The following CASKIN1 variants were observed in gnomAD, a reference collection of about 807,000 sequenced individuals.
CASKIN1 encodes caskin-1.
In CASKIN1, 42 loss-of-function variants were observed where a neutral mutation model predicts 117.5. That is an observed-to-expected ratio of 0.36 (90% CI 0.28 to 0.46). The LOEUF is 0.46. Among genes scored for constraint, CASKIN1 ranks in the 20% least tolerant of loss-of-function variants. CASKIN1 has a pLI of 1.00. For missense variants in CASKIN1, 2,083 were observed against 2,077.3 expected, an observed-to-expected ratio of 1.00 and a Z score of -0.05; for synonymous variants, 1,148 against 961.7, an observed-to-expected ratio of 1.19 and a Z score of -3.59.
Position 2,180,655 on chromosome 16 carries a change from C to T in CASKIN1, c.2713G>A (p.Gly905Ser), listed in dbSNP as rs749311696. 9 of 1,529,668 alleles carry T rather than the reference C, an allele frequency of 5.9e-6. No individual in the cohort carries two copies. The highest frequency in any genetic ancestry group is 1.4e-5 in the African/African-American group (1 of 72,354). 94.8% of individuals were successfully genotyped at this position (1,529,668 alleles called of 1,614,324 possible). ...RDELLVPAAA[G>S]PYATVQRRVG... ...CGCCGCTGGACCGTGGCATAGGGGCCGGCAGCCGCAGGCACCAGCAGCTCG... is the reference window on the plus strand; with the variant it reads ...CGCCGCTGGACCGTGGCATAGGGGCTGGCAGCCGCAGGCACCAGCAGCTCG... The change falls in exon 18 of 20, where the codon GGC becomes AGC. Residue 905 changes from glycine (G) to serine (S), a missense_variant. Gly to Ser is a moderately conservative substitution (Grantham distance 56). This residue lies in a region of CASKIN1 where 1,818 missense variants were observed against 1,688.9 expected (regional missense o/e 1.08). Transcript: ENST00000343516.
intron 19 of CASKIN1, 120 bp from the exon 20 acceptor site, chr16:2,178,766 G>T (rs2093154346): frequency 1.5e-6 from 2 of 1,329,490 alleles, no homozygotes; most frequent in Non-Finnish European, 2.0e-6. Context: ...CGACGACCTC[G>T]GCGGAGCCCC....
At position 2,180,429 on chromosome 16, in the gene CASKIN1, C is replaced by G. The variant is rs767065388; in HGVS notation, c.2939G>C (p.Arg980Pro). 1.9e-6 allele frequency: 3 copies of G among 1,568,006 alleles called. No homozygotes were observed. In the East Asian group the frequency reaches 7.0e-5, roughly 37 times the overall value. The change falls in exon 18 of 20, where the codon CGG becomes CCG. Residue 980 changes from arginine (R) to proline (P), a missense_variant. By Grantham distance (103) the Arg-to-Pro change is moderately radical. Coordinates refer to ENST00000343516, the MANE Select transcript of CASKIN1 (RefSeq NM_020764.4). ...GTCACTGGCCCGCCGGCACTGTGCCCGGACCCCCAGCAGGCCATCCTCAGG... is the reference window on the plus strand; with the variant it reads ...GTCACTGGCCCGCCGGCACTGTGCCGGGACCCCCAGCAGGCCATCCTCAGG... ...AEPEDGLLGV[R>P]AQCRRASDLA... is the part of the protein sequence containing the mutation.
intron 6 of CASKIN1, among the ~76,000 whole-genome samples, chr16:2,188,631 G>A (rs1294223141): frequency 6.6e-6 from 1 of 152,190 alleles, no homozygotes; most frequent in Non-Finnish European, 1.5e-5. Flanking sequence ...GATTACAAGT[G>A]TGAGCCGCCG....
rs76786303 is a variant in CASKIN1, at chr16:2,179,720, G to C, written c.3648C>G (p.Gly1216=). The part of the protein sequence containing the change: ...AHLPPLPPPE[G]EARKPAKPPV... ...GCGGCTTGGCCGGCTTCCGGGCTTC[G>C]CCCTCGGGCGGGGGCAATGGGGGTA... The change falls in exon 18 of 20, where the codon GGC becomes GGG. Residue 1216 remains glycine (G), a synonymous_variant. Transcript: ENST00000343516. This position sits in a 1 kb window ranked among gnomAD's most constrained non-coding sequence, Gnocchi z 5.8. 1 of 1,533,112 alleles carries C rather than the reference G, an allele frequency of 6.5e-7. No homozygotes were observed. The highest frequency in any genetic ancestry group is 8.7e-7 in the Non-Finnish European group (1 of 1,147,902). 95.0% of individuals were successfully genotyped at this position (1,533,112 alleles called of 1,614,324 possible).
In CASKIN1 at chr16:2,185,389, T is replaced by C. The variant is rs1186720822; in HGVS notation, c.1068A>G (p.Glu356=). The C allele has an allele frequency of 6.2e-7, 1 of 1,609,780 alleles. No homozygotes were observed. The highest frequency in any genetic ancestry group is 1.3e-5 in the African/African-American group (1 of 74,862). The change falls in exon 11 of 20, where the codon GAA becomes GAG. Residue 356 remains glutamate (E), a synonymous_variant. Coordinates refer to ENST00000343516, the MANE Select transcript of CASKIN1 (RefSeq NM_020764.4). The stretch of plus-strand genomic sequence containing the variant: ...AGCTGCTTCCCTGGGGCAGGCTTGG[T>C]TCAGTGCCTGCTCGGGAACCTGTGG... ...VKRAGSRAGT[E]PSLPQGSSSS...
chr16:2,177,496 G>A lies in CASKIN1; in HGVS notation c.*1054C>T, dbSNP rs1303967595. The A allele has an allele frequency of 4.3e-6, 1 of 233,432 alleles. No individual in the cohort carries two copies. Among genetic ancestry groups the A allele is most frequent in the African/African-American group, 2.2e-5 (1 of 45,258 alleles). 14.5% of individuals were successfully genotyped at this position (233,432 alleles called of 1,614,324 possible). A position where few individuals can be genotyped will look rare whatever the true frequency, so the allele number is the denominator to read the frequency against. On this transcript the variant is annotated 3_prime_UTR_variant, in exon 20 of 20. Coordinates refer to ENST00000343516, the MANE Select transcript of CASKIN1 (RefSeq NM_020764.4). ...CAAACACGATAGAGGAGACCAGTCA[G>A]TACTTCTTGGAGGGGGCAGGAGGAG...
At position 2,189,032 on chromosome 16, in the gene CASKIN1, G is replaced by A; in HGVS notation, c.612C>T (p.Ile204=). 1.2e-6 allele frequency: 2 copies of A among 1,612,634 alleles called. No individual in the cohort carries two copies. The highest frequency in any genetic ancestry group is 2.2e-5 in the South Asian group (2 of 90,942). ...CTCCCTGCTACCGGCTCTACCTGAT[G>A]ATGTCGATGTGGCCGTTTTTAGCTG... ...HLAAKNGHID[I]IRLLLQAGID... The change falls in exon 6 of 20, where the codon ATC becomes ATT. Residue 204 remains isoleucine, a synonymous_variant. Coordinates refer to ENST00000343516, the MANE Select transcript of CASKIN1 (RefSeq NM_020764.4).
chr16:2,180,875 G>A lies in CASKIN1; in HGVS notation c.2493C>T (p.Gly831=), dbSNP rs776949325. 2.5e-5 allele frequency: 35 copies of A among 1,423,410 alleles called. No homozygotes were observed. In the East Asian group the frequency reaches 6.5e-4, roughly 26 times the overall value. The allele number at this position is 1,423,410 out of a possible 1,614,324, so 88.2% of individuals were successfully genotyped here. ...CGGGCTGGGGCAGCACGTAGGCAAA[G>A]CCGCGGTGCGTCGGTGACTGAGGCA... ...RSLPQSPTHR[G]FAYVLPQPVE... The change falls in exon 18 of 20, where the codon GGC becomes GGT. Residue 831 remains glycine, a synonymous_variant. Transcript: ENST00000343516.
rs374640749 is a variant in CASKIN1 at position 2,180,907 on chromosome 16, G to C, written c.2461C>G (p.Arg821Gly). ...TGCGTCGGTGACTGAGGCAGGGAGC[G>C]GGGTGACATGGGGCGCTCTGTCGGC... ...LPPTERPMSP[R>G]SLPQSPTHRG... The change falls in exon 18 of 20, where the codon CGC becomes GGC. Residue 821 changes from arginine to glycine, a missense_variant. Transcript: ENST00000343516. 3 of 1,451,892 alleles carry C rather than the reference G, an allele frequency of 2.1e-6. No homozygotes were observed. Among genetic ancestry groups the C allele is most frequent in the Admixed American group, 2.9e-5 (1 of 34,134 alleles). 89.9% of individuals were successfully genotyped at this position (1,451,892 alleles called of 1,614,324 possible). A position where few individuals can be genotyped will look rare whatever the true frequency, so the allele number is the denominator to read the frequency against.
chr16:2,179,211 G>A lies in CASKIN1; in HGVS notation c.3890C>T (p.Pro1297Leu). ...VAGLPSGSAGPSPAPSPARQP... is the reference protein window; with the variant it reads ...VAGLPSGSAGLSPAPSPARQP... ...TCGCGCGGGCGAGGGTGCGGGTGAA[G>A]GGCCGGCGCTGCCCGAAGGCAGCCC... Residue 1297 changes from proline (P) to leucine (L), a missense_variant, in exon 19 of 20, where the codon CCT (proline) becomes CTT (leucine). This residue lies in a region of CASKIN1 where 1,818 missense variants were observed against 1,688.9 expected (regional missense o/e 1.08). Transcript: ENST00000343516. The surrounding 1 kb of genome is among the most constrained non-coding windows in gnomAD (Gnocchi z 5.8). 8.6e-7 allele frequency: 1 copy of A among 1,169,152 alleles called. No individual in the cohort carries two copies. Among genetic ancestry groups the A allele is most frequent in the South Asian group, 4.2e-5 (1 of 23,808 alleles). The allele number at this position is 1,169,152 out of a possible 1,614,324, so 72.4% of individuals were successfully genotyped here. A position where few individuals can be genotyped will look rare whatever the true frequency, so the allele number is the denominator to read the frequency against.
intron 16 of CASKIN1, among the ~76,000 whole-genome samples, chr16:2,183,238 C>T (rs1379820991): frequency 6.6e-6 from 1 of 152,188 alleles, no homozygotes. Flanking sequence ...TGCACACCTG[C>T]CAGGCGTGTG....
Position 2,179,486 on chromosome 16 carries a change from C to T in CASKIN1, c.3775+107G>A. The T allele has an allele frequency of 7.2e-7, 1 of 1,389,796 alleles. No individual in the cohort carries two copies. 86.1% of individuals were successfully genotyped at this position (1,389,796 alleles called of 1,614,324 possible). A position where few individuals can be genotyped will look rare whatever the true frequency, so the allele number is the denominator to read the frequency against. On this transcript the variant is annotated intron_variant, in intron 18 of 19. Transcript: ENST00000343516. This position sits in a 1 kb window ranked among gnomAD's most constrained non-coding sequence, Gnocchi z 5.8. ...GAGGGTCTGGGGACACGTTCCCACCCCACCTGGGCTTCCATCAAACCCAAG... is the reference window on the plus strand; with the variant it reads ...GAGGGTCTGGGGACACGTTCCCACCTCACCTGGGCTTCCATCAAACCCAAG...
chr16:2,195,948 C>T (rs760213847), intron 1 of CASKIN1, among the ~76,000 whole-genome samples: 2 of 149,422 alleles, frequency 1.3e-5, no homozygotes, highest in African/African-American at 2.4e-5. Flanking sequence ...GGCCCCCTCC[C>T]TGTCTTCCCG....
rs1345332432 is a variant in CASKIN1, at chr16:2,182,294, C to T, written c.1630-365G>A. ...CATGGGGCCACACCTGGTACAGGAA[C>T]ACGCACATGATTTGCACGCTGCGCT... is the stretch of plus-strand genomic sequence containing the variant. On this transcript the variant is annotated intron_variant, in intron 16 of 19. Transcript: ENST00000343516. The surrounding 1 kb of genome is among the most constrained non-coding windows in gnomAD (Gnocchi z 4.1). Among the ~76,000 whole-genome samples, 1 of 152,140 alleles carries T rather than the reference C, an allele frequency of 6.6e-6. No homozygotes were observed. Among genetic ancestry groups the T allele is most frequent in the Non-Finnish European group, 1.5e-5 (1 of 68,012 alleles).
chr16:2,178,670 G>A, intron 19 of CASKIN1, 24 bp from the exon 20 acceptor site: 2 of 1,570,642 alleles, frequency 1.3e-6, no homozygotes, highest in East Asian at 2.4e-5. Context: ...GGCAAGGGGC[G>A]TGAGTGGGCG....
intron 1 of CASKIN1, among the ~76,000 whole-genome samples, chr16:2,193,977 A>T (rs2093208278): frequency 6.6e-6 from 1 of 151,996 alleles, no homozygotes; most frequent in African/African-American, 2.4e-5. Context: ...GGCCGGGGCC[A>T]GGATGAAAGT....
At chr16:2,194,192 G>A (rs2093209132) in intron 1 of CASKIN1, among the ~76,000 whole-genome samples, 1 of 152,166 alleles carries the variant, frequency 6.6e-6, no homozygotes, top group Non-Finnish European at 1.5e-5. Context: ...CGGTGCTCAG[G>A]GGTGTCCTCC....
In CASKIN1 at chr16:2,180,209, G is replaced by A. The variant is rs148185298; in HGVS notation, c.3159C>T (p.Ile1053=). The A allele has an allele frequency of 1.2e-4, 179 of 1,550,070 alleles. No individual in the cohort carries two copies. Among genetic ancestry groups the A allele is most frequent in the African/African-American group, 2.1e-4 (15 of 73,032 alleles). ...GGTTCACCACCTCCCCGCCAGGCCCGATGGCCTCTTTGTGTTTCACTGAGG... is the reference window on the plus strand; with the variant it reads ...GGTTCACCACCTCCCCGCCAGGCCCAATGGCCTCTTTGTGTTTCACTGAGG... ...VLASVKHKEA[I]GPGGEVVNRR... Residue 1053 remains isoleucine, a synonymous_variant, in exon 18 of 20, where the codon ATC becomes ATT. Coordinates refer to ENST00000343516, the MANE Select transcript of CASKIN1 (RefSeq NM_020764.4).
rs938910690 is a variant in CASKIN1 at position 2,182,988 on chromosome 16, C to T, written c.1629+658G>A. Among the ~76,000 whole-genome samples the T allele has an allele frequency of 2.6e-5, 4 of 152,202 alleles. No individual in the cohort carries two copies. Among genetic ancestry groups the T allele is most frequent in the African/African-American group, 9.7e-5 (4 of 41,438 alleles). Reference sequence around the variant, plus strand: ...GGTTTTAGTAGAGACTGGGTTTCACCGTGTTAGCCAGGATGGTCTCGATCT... The same window carrying T: ...GGTTTTAGTAGAGACTGGGTTTCACTGTGTTAGCCAGGATGGTCTCGATCT... On this transcript the variant is annotated intron_variant, in intron 16 of 19. Coordinates refer to ENST00000343516, the MANE Select transcript of CASKIN1 (RefSeq NM_020764.4). The surrounding 1 kb of genome is among the most constrained non-coding windows in gnomAD (Gnocchi z 4.1).
Sources: allele counts gnomAD v4.1 joint callset (sites outside exome capture counted in the v4.1 genomes callset), GRCh38; gene constraint gnomAD v4.1.1; regional missense constraint gnomAD v4.1.1; non-coding constraint Gnocchi (gnomAD v3.1); transcripts MANE v1.5; gene names NCBI Gene and HGNC (gene_info 2026-07-23, HGNC 2026-07-21).